CCNB2: variants seen among roughly 807,000 people sequenced by gnomAD.
CCNB2 encodes the protein cyclin B2, also known as G2/mitotic-specific cyclin-B2.
A neutral mutation model predicts 51.1 loss-of-function variants in CCNB2; 39 were observed. The observed-to-expected ratio is 0.76, with a 90% confidence interval of 0.59 to 1.00. The LOEUF (loss-of-function observed/expected upper bound fraction) is 1.00, where lower values mean the gene tolerates loss of function less well. Ranked by LOEUF, CCNB2 falls within the 50% of genes least tolerant of loss-of-function variation. The probability of loss-of-function intolerance (pLI) is 0.00; values close to 1 mark genes in which losing one functional copy is unlikely to be tolerated. For synonymous variants in CCNB2, 174 were observed against 165.5 expected, an observed-to-expected ratio of 1.05 and a Z score of -0.40; for missense variants, 472 against 470.3, an observed-to-expected ratio of 1.00 and a Z score of -0.03.
chr15:59,107,537 A>T lies in CCNB2; in HGVS notation c.154-20A>T, dbSNP rs750754556. ...CAACGCTGGCTGTCTTGCGCTATTC[A>T]TGTTTCTTTTTCCTTATAGAAAGCT... is the stretch of plus-strand genomic sequence containing the variant. On this transcript the variant is annotated intron_variant, in intron 2 of 8. Transcript: ENST00000288207. 5.6e-6 allele frequency: 9 copies of T among 1,613,950 alleles called. No individual in the cohort carries two copies. The highest frequency in any genetic ancestry group is 3.3e-5 in the Admixed American group (2 of 60,006).
chr15:59,113,247 T>G (rs1042715267), intron 3 of CCNB2, among the ~76,000 whole-genome samples: 3 of 152,332 alleles, frequency 2.0e-5, no homozygotes, highest in Middle Eastern at 3.4e-3. Context: ...TCCTTTTTAG[T>G]TGCCAGTTTT....
intron 7 of CCNB2, among the ~76,000 whole-genome samples, chr15:59,118,315 A>T (rs190533850): frequency 6.6e-6 from 1 of 152,338 alleles, no homozygotes; most frequent in Non-Finnish European, 1.5e-5. Flanking sequence ...CCAGTTCTAG[A>T]CCACCGCTAA....
chr15:59,112,092 T>C (rs1390974832), intron 3 of CCNB2, among the ~76,000 whole-genome samples: 1 of 152,118 alleles, frequency 6.6e-6, no homozygotes, highest in African/African-American at 2.4e-5. Context: ...GCTGAAGCAA[T>C]CCACCTGCCT....
intron 3 of CCNB2, among the ~76,000 whole-genome samples, chr15:59,111,659 C>T (rs1488273313): frequency 2.0e-5 from 3 of 152,138 alleles, no homozygotes; most frequent in Non-Finnish European, 4.4e-5. Flanking sequence ...TCTCATACCT[C>T]ACAGGCTATC....
chr15:59,107,064 G>A (rs1333108991), intron 1 of CCNB2, among the ~76,000 whole-genome samples: 1 of 152,116 alleles, frequency 6.6e-6, no homozygotes, highest in African/African-American at 2.4e-5. Context: ...AGGCCCACTT[G>A]AATACTCAGA....
In CCNB2 at chr15:59,117,469, G is replaced by GT. The variant is rs1304849040; in HGVS notation, c.975+105dup. The GT allele has an allele frequency of 2.4e-6, 3 of 1,267,722 alleles. No individual in the cohort carries two copies. In the African/African-American group the frequency reaches 4.5e-5, roughly 19 times the overall value. The allele number at this position is 1,267,722 out of a possible 1,614,324, so 78.5% of individuals were successfully genotyped here. On this transcript the variant is annotated intron_variant, in intron 7 of 8. Transcript: ENST00000288207. ...TACAACACTATCCTTGAAGCAGTTG[G>GT]TTTTGTTTTGTGTTTTTGAGACAGG...
intron 7 of CCNB2, chr15:59,120,958 A>G (rs1596332848): frequency 1.3e-5 from 2 of 152,288 alleles, no homozygotes; most frequent in East Asian, 3.9e-4. Flanking sequence ...CATGCCCAAA[A>G]TGTTTGACAT....
chr15:59,123,615 A>T lies in CCNB2; in HGVS notation c.1074A>T (p.Leu358Phe). The T allele has an allele frequency of 6.2e-7, 1 of 1,603,218 alleles. No individual in the cohort carries two copies. Among genetic ancestry groups the T allele is most frequent in the Non-Finnish European group, 8.5e-7 (1 of 1,171,518 alleles). ...AKNVVKVNEN[L>F]TKFIAIKNKY... ...ATGTGGTGAAAGTAAATGAAAACTT[A>T]ACTAAATTCATCGTAAGTACTACTG... The change falls in exon 8 of 9, where the codon TTA becomes TTT. Residue 358 changes from leucine (L) to phenylalanine (F), a missense_variant. Leu to Phe is a conservative substitution (Grantham distance 22). Transcript: ENST00000288207.
chr15:59,110,083 C>CT (rs112780817), intron 3 of CCNB2, among the ~76,000 whole-genome samples: 1,854 of 148,678 alleles, frequency 0.012, 19 homozygotes, highest in East Asian at 0.05. Flanking sequence ...GAAAAGAAGG[C>CT]TTTTTTTTTT....
Position 59,124,964 on chromosome 15 carries a change from T to A in CCNB2, c.*87T>A. ...CTTGATTTTGTACATAGTCCTCTGG[T>A]CTATCTCATGAAACCTCTTCTCAGA... On this transcript the variant is annotated 3_prime_UTR_variant, in exon 9 of 9. Transcript: ENST00000288207. 2.8e-6 allele frequency: 2 copies of A among 718,098 alleles called. No homozygotes were observed. Among genetic ancestry groups the A allele is most frequent in the Non-Finnish European group, 4.4e-6 (2 of 451,632 alleles). The allele number at this position is 718,098 out of a possible 1,614,324, so 44.5% of individuals were successfully genotyped here. A position where few individuals can be genotyped will look rare whatever the true frequency, so the allele number is the denominator to read the frequency against.
At position 59,108,205 on chromosome 15, in the gene CCNB2, A is replaced by G. The variant is rs187944059; in HGVS notation, c.267+535A>G. 2.0e-3 allele frequency among the ~76,000 whole-genome samples: 304 copies of G among 152,290 alleles called. 1 individual carries two copies. Among genetic ancestry groups the G allele is most frequent in the Non-Finnish European group, 2.3e-3 (157 of 68,020 alleles). On this transcript the variant is annotated intron_variant, in intron 3 of 8. Coordinates refer to ENST00000288207, the MANE Select transcript of CCNB2 (RefSeq NM_004701.4). ...GTACCAAAGCGGATATGGACCTATA[A>G]TCATGTCCTTTCGTTAAGGAGTCTG...
In CCNB2 at chr15:59,125,011, G is replaced by T; in HGVS notation, c.*134G>T. 2.0e-6 allele frequency: 1 copy of T among 505,532 alleles called. No homozygotes were observed. Among genetic ancestry groups the T allele is most frequent in the South Asian group, 4.0e-5 (1 of 24,858 alleles). The allele number at this position is 505,532 out of a possible 1,614,324, so 31.3% of individuals were successfully genotyped here. A position where few individuals can be genotyped will look rare whatever the true frequency, so the allele number is the denominator to read the frequency against. On this transcript the variant is annotated 3_prime_UTR_variant, in exon 9 of 9. Coordinates refer to ENST00000288207, the MANE Select transcript of CCNB2 (RefSeq NM_004701.4). ...CAGACCAGTTTTCTAAACATATATT[G>T]AGGAAAAATAAAGCGATTGGTTTTT...
intron 5 of CCNB2, 94 bp downstream of exon 5, chr15:59,114,970 A>G (rs1934162886): frequency 7.7e-7 from 1 of 1,296,158 alleles, no homozygotes; most frequent in East Asian, 2.3e-5. Context: ...CTTCTGAAAA[A>G]AAGACCAAAA....
Position 59,123,053 on chromosome 15 carries a change from A to ATTTCT in CCNB2, c.976-462_976-458dup, listed in dbSNP as rs2079309810. ...TAGATTGTTGCTTGTAGCACAGTTT[A>ATTTCT]TTTCTTATTTCCGAACATCTTTCCC... is the stretch of plus-strand genomic sequence containing the variant. On this transcript the variant is annotated intron_variant, in intron 7 of 8. Transcript: ENST00000288207. Among the ~76,000 whole-genome samples, 3 of 152,116 alleles carry ATTTCT rather than the reference A, an allele frequency of 2.0e-5. No homozygotes were observed. The East Asian group carries it at 5.8e-4, about 29-fold the overall frequency.
intron 7 of CCNB2, among the ~76,000 whole-genome samples, chr15:59,123,140 T>C (rs528225926): frequency 2.0e-5 from 3 of 152,332 alleles, no homozygotes; most frequent in African/African-American, 7.2e-5. Flanking sequence ...GGCAGGGCTT[T>C]GATGCAGGGT....
chr15:59,111,016 A>T (rs2079255379), intron 3 of CCNB2, among the ~76,000 whole-genome samples: 1 of 152,200 alleles, frequency 6.6e-6, no homozygotes, highest in Non-Finnish European at 1.5e-5. Flanking sequence ...TCACAAAGAG[A>T]GATGCATGCT....
rs754613732 is a variant in CCNB2 at position 59,107,655 on chromosome 15, A to G, written c.252A>G (p.Glu84=). Residue 84 remains glutamate (E), a synonymous_variant, in exon 3 of 9, where the codon GAA becomes GAG. Transcript: ENST00000288207. ...PTASVKPVQM[E]KLAPKGPSPT... is the part of the protein sequence containing the mutation. ...CTTCTGTCAAACCAGTACAGATGGAAAAGTTGGCTCCAAAGGTAGGAAGTT... is the reference window on the plus strand; with the variant it reads ...CTTCTGTCAAACCAGTACAGATGGAGAAGTTGGCTCCAAAGGTAGGAAGTT... 6.2e-7 allele frequency: 1 copy of G among 1,613,642 alleles called. No individual in the cohort carries two copies. The highest frequency in any genetic ancestry group is 8.5e-7 in the Non-Finnish European group (1 of 1,179,880).
rs566008564 is a variant in CCNB2, at chr15:59,120,761, G to T, written c.976-2756G>T. ...TAGATGGAATAATTTTGGGAAACAAGATTCACGTGGTCTCAATTTATCATC... is the reference window on the plus strand; with the variant it reads ...TAGATGGAATAATTTTGGGAAACAATATTCACGTGGTCTCAATTTATCATC... On this transcript the variant is annotated intron_variant, in intron 7 of 8. Transcript: ENST00000288207. 4.9e-4 allele frequency among the ~76,000 whole-genome samples: 74 copies of T among 152,268 alleles called. No homozygotes were observed. The Middle Eastern group carries it at 0.024, about 49-fold the overall frequency.
chr15:59,114,994 A>C, intron 5 of CCNB2, 118 bp downstream of exon 5: 1 of 1,102,136 alleles, frequency 9.1e-7, no homozygotes, highest in South Asian at 1.6e-5. Context: ...AAATTGTGAG[A>C]AGCCAAAGAA....
Sources: gnomAD v4.1 joint callset for allele counts (sites outside exome capture counted in the v4.1 genomes callset) on GRCh38, gnomAD v4.1.1 for gene constraint, MANE v1.5 for transcripts, NCBI Gene and HGNC (gene_info 2026-07-23, HGNC 2026-07-21) for gene names.